The following RLF variants were observed in gnomAD, a reference collection of about 807,000 sequenced individuals.
RLF encodes RLF zinc finger.
RLF carries 7 observed loss-of-function variants against 162.9 expected under a neutral mutation model. The ratio of observed to expected loss-of-function variants is 0.04; its 90% CI spans 0.02 to 0.08. The LOEUF is 0.08. Among genes scored for constraint, RLF ranks in the 10% least tolerant of loss-of-function variants. The pLI, the probability that RLF is intolerant of heterozygous loss-of-function variation, is 1.00. For synonymous variants in RLF, 782 were observed against 791.5 expected, an observed-to-expected ratio of 0.99 and a Z score of 0.20; for missense variants, 1,664 against 2,244.7, an observed-to-expected ratio of 0.74 and a Z score of 5.23.
chr1:40,176,443 T>C (rs1642326746), intron 1 of RLF, among the ~76,000 whole-genome samples: 1 of 152,184 alleles, frequency 6.6e-6, no homozygotes, highest in Admixed American at 6.5e-5. Flanking sequence ...TGCATTTCCC[T>C]AATGGCTTTT....
chr1:40,165,922 A>G (rs1438077086), intron 1 of RLF, among the ~76,000 whole-genome samples: 4 of 152,058 alleles, frequency 2.6e-5, no homozygotes, highest in Non-Finnish European at 5.9e-5. Flanking sequence ...CACTGTGTCC[A>G]TTTCTCACTC....
chr1:40,226,375 AT>A (rs890433385), intron 6 of RLF, among the ~76,000 whole-genome samples: 1 of 152,216 alleles, frequency 6.6e-6, no homozygotes, highest in African/African-American at 2.4e-5. Context: ...TACGGCAGCC[AT>A]TTTAAAGTCA....
At chr1:40,167,676 C>T (rs1412026639) in intron 1 of RLF, among the ~76,000 whole-genome samples, 2 of 151,648 alleles carry the variant, frequency 1.3e-5, no homozygotes, top group Non-Finnish European at 2.9e-5. Flanking sequence ...TAGCACTTCC[C>T]TATTGCCTTT....
At chr1:40,204,505 C>T (rs1642762862) in intron 5 of RLF, among the ~76,000 whole-genome samples, 1 of 152,150 alleles carries the variant, frequency 6.6e-6, no homozygotes, top group Non-Finnish European at 1.5e-5. Context: ...ATCCTGGGCT[C>T]AGGTGATCTT....
At chr1:40,224,057 T>G (rs908680508) in intron 6 of RLF, among the ~76,000 whole-genome samples, 1 of 152,228 alleles carries the variant, frequency 6.6e-6, no homozygotes, top group Middle Eastern at 3.2e-3. Flanking sequence ...ATAAATTAAA[T>G]CATATATAGA....
chr1:40,217,703 C>T (rs904440018), intron 5 of RLF, among the ~76,000 whole-genome samples: 6 of 151,858 alleles, frequency 4.0e-5, no homozygotes, highest in African/African-American at 1.2e-4. Context: ...ACCCGGGAGG[C>T]GGAGGTTGCA....
chr1:40,192,741 A>T (rs972501443), intron 3 of RLF, among the ~76,000 whole-genome samples: 34 of 152,296 alleles, frequency 2.2e-4, no homozygotes, highest in African/African-American at 8.2e-4. Flanking sequence ...AAAGCCCTTA[A>T]GTTTTCTTAT....
At chr1:40,172,332 T>A (rs560867405) in intron 1 of RLF, among the ~76,000 whole-genome samples, 1 of 152,230 alleles carries the variant, frequency 6.6e-6, no homozygotes, top group South Asian at 2.1e-4. Flanking sequence ...TGCAATTTAC[T>A]TTTTAATTTG....
At chr1:40,226,541 ATATAC>A (rs913485514) in intron 6 of RLF, among the ~76,000 whole-genome samples, 1 of 152,232 alleles carries the variant, frequency 6.6e-6, no homozygotes, top group African/African-American at 2.4e-5. Context: ...CTAGACTGTG[ATATAC>A]TAACCAATAT....
chr1:40,183,881 C>G (rs1441129110), intron 1 of RLF, among the ~76,000 whole-genome samples: 1 of 152,162 alleles, frequency 6.6e-6, no homozygotes, highest in Non-Finnish European at 1.5e-5. Context: ...GTGCCTAACC[C>G]ATACTATGTG....
At chr1:40,203,107 G>GGCTT (rs1557749625) in intron 5 of RLF, among the ~76,000 whole-genome samples, 1 of 132,780 alleles carries the variant, frequency 7.5e-6, no homozygotes, top group Middle Eastern at 3.7e-3. Context: ...TAAGGGTTGA[G>GGCTT]TCTTTTTTTT....
At chr1:40,167,239 C>T (rs567426360) in intron 1 of RLF, among the ~76,000 whole-genome samples, 9 of 152,272 alleles carry the variant, frequency 5.9e-5, no homozygotes, top group Admixed American at 1.3e-4. Flanking sequence ...AGTCCCCTTA[C>T]CTTGAGGTTG....
intron 5 of RLF, among the ~76,000 whole-genome samples, chr1:40,205,644 C>A (rs937756976): frequency 1.3e-5 from 2 of 151,998 alleles, no homozygotes; most frequent in African/African-American, 2.4e-5. Context: ...CGCCCGCCAC[C>A]ATGCCCGGCT....
At chr1:40,197,280 T>C (rs1166363919) in intron 4 of RLF, among the ~76,000 whole-genome samples, 2 of 152,218 alleles carry the variant, frequency 1.3e-5, no homozygotes, top group Non-Finnish European at 2.9e-5. Flanking sequence ...GATTGGTGTT[T>C]ATAGTTTTCC....
chr1:40,186,559 G>T (rs1282138929), intron 1 of RLF, among the ~76,000 whole-genome samples: 1 of 152,176 alleles, frequency 6.6e-6, no homozygotes, highest in East Asian at 1.9e-4. Flanking sequence ...AAGTGGACAG[G>T]TGGATTGTGG....
At chr1:40,196,176 A>G (rs965011635) in intron 4 of RLF, among the ~76,000 whole-genome samples, 1 of 151,432 alleles carries the variant, frequency 6.6e-6, no homozygotes, top group African/African-American at 2.4e-5. Flanking sequence ...CCAGTGTTGA[A>G]GCGATTCTGC....
chr1:40,176,518 C>T (rs1231568858), intron 1 of RLF, among the ~76,000 whole-genome samples: 1 of 152,240 alleles, frequency 6.6e-6, no homozygotes, highest in African/African-American at 2.4e-5. Flanking sequence ...TGGCTCACTG[C>T]AGCCTCTGCC....
intron 1 of RLF, among the ~76,000 whole-genome samples, chr1:40,186,191 A>G (rs953782377): frequency 1.3e-5 from 2 of 151,292 alleles, no homozygotes; most frequent in African/African-American, 2.4e-5. Context: ...ATGCCTGGCT[A>G]GCCACAGTGG....
intron 6 of RLF, 24 bp downstream of exon 6, chr1:40,222,734 CTT>C (rs747042111): frequency 1.9e-6 from 3 of 1,600,484 alleles, no homozygotes; most frequent in Admixed American, 3.3e-5. Context: ...GTTTTACACT[CTT>C]TATTTGTTAG....
Sources: gnomAD v4.1 joint callset for allele counts (sites outside exome capture counted in the v4.1 genomes callset) on GRCh38, gnomAD v4.1.1 for gene constraint, MANE v1.5 for transcripts, NCBI Gene and HGNC (gene_info 2026-07-23, HGNC 2026-07-21) for gene names.